MYT1L: variants seen among roughly 807,000 people sequenced by gnomAD.
The protein encoded by MYT1L is myelin transcription factor 1-like protein.
A neutral mutation model predicts 126.7 loss-of-function variants in MYT1L; 12 were observed. The observed-to-expected ratio is 0.09, with a 90% CI of 0.06 to 0.15. MYT1L has a LOEUF of 0.15. Ranked by LOEUF, MYT1L falls within the 10% of genes least tolerant of loss-of-function variation. The probability of loss-of-function intolerance (pLI) is 1.00; values close to 1 mark genes in which losing one functional copy is unlikely to be tolerated. For synonymous variants in MYT1L, 541 were observed against 604.2 expected (o/e 0.90, Z 1.53); for missense variants, 979 against 1,585.2 (o/e 0.62, Z 6.49).
At chr2:1,834,236 G>A (rs569872809) in intron 21 of MYT1L, among the ~76,000 whole-genome samples, 11 of 152,316 alleles carry the variant, frequency 7.2e-5, no homozygotes, top group Admixed American at 3.3e-4. Flanking sequence ...TGACGTGCCC[G>A]CGGGGGCTTT....
intron 2 of MYT1L, among the ~76,000 whole-genome samples, chr2:2,272,849 C>T (rs755169524): frequency 6.0e-4 from 91 of 152,136 alleles, no homozygotes; most frequent in Non-Finnish European, 1.1e-3. Context: ...CACCCCATGA[C>T]AACTGGGTCA....
intron 3 of MYT1L, among the ~76,000 whole-genome samples, chr2:2,155,616 T>C (rs552926444): frequency 3.6e-4 from 55 of 152,170 alleles, no homozygotes; most frequent in Non-Finnish European, 6.6e-4. Flanking sequence ...AATCTCCCCA[T>C]TGCAATATGT....
intron 14 of MYT1L, among the ~76,000 whole-genome samples, chr2:1,900,443 G>A (rs913496547): frequency 2.0e-5 from 3 of 152,160 alleles, no homozygotes; most frequent in Non-Finnish European, 2.9e-5. Context: ...GGGACTACAG[G>A]CACCCGCCAC....
At chr2:2,139,092 A>G (rs2083531547) in intron 3 of MYT1L, among the ~76,000 whole-genome samples, 1 of 151,988 alleles carries the variant, frequency 6.6e-6, no homozygotes, top group East Asian at 1.9e-4. Context: ...GAGGACACCG[A>G]GACCAGCATC....
chr2:2,020,563 A>G (rs2064926002), intron 4 of MYT1L, among the ~76,000 whole-genome samples: 1 of 152,172 alleles, frequency 6.6e-6, no homozygotes, highest in Non-Finnish European at 1.5e-5. Flanking sequence ...CTCTTCTATG[A>G]TGTAGCTATT....
chr2:1,935,297 A>G (rs1485235669), intron 9 of MYT1L, among the ~76,000 whole-genome samples: 1 of 152,174 alleles, frequency 6.6e-6, no homozygotes, highest in African/African-American at 2.4e-5. Context: ...GTCTGCATGC[A>G]ACCCAGTGCC....
chr2:2,198,332 G>A (rs1404953202), intron 2 of MYT1L, among the ~76,000 whole-genome samples: 1 of 152,036 alleles, frequency 6.6e-6, no homozygotes, highest in Non-Finnish European at 1.5e-5. Context: ...CAAGAGGACC[G>A]AGCTCTGGTA....
intron 2 of MYT1L, among the ~76,000 whole-genome samples, chr2:2,260,521 C>T (rs527600074): frequency 2.0e-5 from 3 of 152,314 alleles, no homozygotes; most frequent in Admixed American, 2.0e-4. Context: ...TTTTGCAAGG[C>T]TGATAGCAGA....
At chr2:1,891,273 T>C (rs895834143) in intron 15 of MYT1L, among the ~76,000 whole-genome samples, 11 of 152,220 alleles carry the variant, frequency 7.2e-5, no homozygotes, top group African/African-American at 2.7e-4. Context: ...GCCCTTTGTT[T>C]ATCAGGAGAG....
chr2:2,316,414 T>G (rs1014677970), intron 1 of MYT1L, among the ~76,000 whole-genome samples: 1 of 152,226 alleles, frequency 6.6e-6, no homozygotes, highest in Non-Finnish European at 1.5e-5. Flanking sequence ...TAAAAATGCA[T>G]TCCTGCTTAA....
intron 1 of MYT1L, among the ~76,000 whole-genome samples, chr2:2,294,860 T>C (rs922370971): frequency 2.0e-5 from 3 of 152,214 alleles, no homozygotes; most frequent in Non-Finnish European, 4.4e-5. Flanking sequence ...CATTATATTA[T>C]ACAATAGTCC....
intron 9 of MYT1L, among the ~76,000 whole-genome samples, chr2:1,925,918 A>G (rs548002813): frequency 3.1e-4 from 47 of 152,306 alleles, no homozygotes; most frequent in African/African-American, 1.1e-3. Context: ...GAACCATGTC[A>G]CAGGATATGC....
At chr2:2,014,468 A>ACCCC (rs2064165012) in intron 4 of MYT1L, among the ~76,000 whole-genome samples, 1 of 152,176 alleles carries the variant, frequency 6.6e-6, no homozygotes, top group South Asian at 2.1e-4. Flanking sequence ...GCAGCAGCAG[A>ACCCC]CCAGAGTCAA....
In MYT1L at chr2:1,852,013, C is replaced by T. The variant is rs968003982; in HGVS notation, c.2712-310G>A. Reference sequence around the variant, plus strand: ...CCTAACAGCCCGCCTTTCCTCCCCTCATTCTTAAAGCTCAGCAGAGCCAGC... The same window carrying T: ...CCTAACAGCCCGCCTTTCCTCCCCTTATTCTTAAAGCTCAGCAGAGCCAGC... On this transcript the variant is annotated intron_variant, in intron 18 of 24. Coordinates refer to ENST00000647738, the MANE Select transcript of MYT1L (RefSeq NM_001303052.2). This position sits in a 1 kb window ranked among gnomAD's most constrained non-coding sequence, Gnocchi z 4.0. Among the ~76,000 whole-genome samples, 1 of 152,188 alleles carries T rather than the reference C, an allele frequency of 6.6e-6. No individual in the cohort carries two copies. Among genetic ancestry groups the T allele is most frequent in the African/African-American group, 2.4e-5 (1 of 41,446 alleles).
In MYT1L at chr2:1,848,827, G is replaced by A. The variant is rs1262489985; in HGVS notation, c.2774+2814C>T. On this transcript the variant is annotated intron_variant, in intron 19 of 24. Coordinates refer to ENST00000647738, the MANE Select transcript of MYT1L (RefSeq NM_001303052.2). The surrounding 1 kb of genome is among the most constrained non-coding windows in gnomAD (Gnocchi z 4.8). ...GGAGGCAACACTTCTGCTGAGCAAC[G>A]TGCCCAGCCCCGCTTAGATGTCTAT... is the stretch of plus-strand genomic sequence containing the variant. Among the ~76,000 whole-genome samples, 2 of 152,076 alleles carry A rather than the reference G, an allele frequency of 1.3e-5. No individual in the cohort carries two copies. Among genetic ancestry groups the A allele is most frequent in the Non-Finnish European group, 2.9e-5 (2 of 68,016 alleles).
At chr2:2,033,090 G>C (rs548400738) in intron 4 of MYT1L, among the ~76,000 whole-genome samples, 1 of 133,266 alleles carries the variant, frequency 7.5e-6, no homozygotes, top group Non-Finnish European at 1.6e-5. Flanking sequence ...CTGTGGCCCA[G>C]AGCAGATTCT....
chr2:2,022,443 AT>A (rs1006387083), intron 4 of MYT1L, among the ~76,000 whole-genome samples: 2 of 151,872 alleles, frequency 1.3e-5, no homozygotes, highest in Admixed American at 6.6e-5. Context: ...AATTTTAGGT[AT>A]TTTTTTTAAA....
At chr2:2,079,538 GCTCACGCCTGTAATC>G (rs1442656750) in intron 3 of MYT1L, among the ~76,000 whole-genome samples, 2 of 152,220 alleles carry the variant, frequency 1.3e-5, no homozygotes, top group African/African-American at 4.8e-5. Context: ...TGGTGCGGTG[GCTCACGCCTGTAATC>G]CCAGCACTGT....
intron 4 of MYT1L, among the ~76,000 whole-genome samples, chr2:2,021,066 G>A (rs897767454): frequency 9.9e-5 from 15 of 152,186 alleles, no homozygotes; most frequent in South Asian, 4.1e-4. Flanking sequence ...AGAGAACCAC[G>A]GGCAACGCTG....
Sources: allele counts gnomAD v4.1 joint callset (sites outside exome capture counted in the v4.1 genomes callset), GRCh38; gene constraint gnomAD v4.1.1; non-coding constraint Gnocchi (gnomAD v3.1); transcripts MANE v1.5; gene names NCBI Gene and HGNC (gene_info 2026-07-23, HGNC 2026-07-21).